The following ANKS1B variants were observed in gnomAD, a reference collection of about 807,000 sequenced individuals.
ANKS1B encodes the protein ankyrin repeat and sterile alpha motif domain-containing protein 1B.
ANKS1B carries 36 observed loss-of-function variants against 148.3 expected under a neutral mutation model. That is an observed-to-expected ratio of 0.24 (90% CI 0.19 to 0.32). ANKS1B has a LOEUF of 0.32. Among genes scored for constraint, ANKS1B ranks in the 10% least tolerant of loss-of-function variants. The pLI is 1.00. For synonymous variants in ANKS1B, 542 were observed against 560.8 expected, an observed-to-expected ratio of 0.97 and a Z score of 0.47; for missense variants, 1,157 against 1,542.6, an observed-to-expected ratio of 0.75 and a Z score of 4.19.
rs78523962 is a variant in ANKS1B at position 98,896,883 on chromosome 12, G to A, written c.2779-64747C>T. On this transcript the variant is annotated intron_variant, in intron 17 of 26. Transcript: ENST00000683438. The stretch of plus-strand genomic sequence containing the variant: ...TGGTTTCCCAATCATGAGAGTGACC[G>A]AAGAATGACATTTTCCAGGTCATCA... 9.6e-3 allele frequency among the ~76,000 whole-genome samples: 1,462 copies of A among 152,256 alleles called. 21 individuals carry two copies. Among genetic ancestry groups the A allele is most frequent in the African/African-American group, 0.03 (1,263 of 41,534 alleles).
At chr12:99,614,878 T>C (rs1461744344) in intron 9 of ANKS1B, among the ~76,000 whole-genome samples, 1 of 125,596 alleles carries the variant, frequency 8.0e-6, no homozygotes, top group Non-Finnish European at 1.7e-5. Flanking sequence ...TTCTCTTAAT[T>C]AATTCTTCCT....
rs10527065 is a variant in ANKS1B at position 99,267,561 on chromosome 12, A to ACATTCATT, written c.1757-20705_1757-20698dup. On this transcript the variant is annotated intron_variant, in intron 12 of 26. Coordinates refer to ENST00000683438, the MANE Select transcript of ANKS1B (RefSeq NM_001352186.2). Reference sequence around the variant, plus strand: ...AAGAAAATAAAGATTATTTGGCTGTACATTCATTCATTCATTCATTCATTT... The same window carrying ACATTCATT: ...AAGAAAATAAAGATTATTTGGCTGTACATTCATTCATTCATTCATTCATTCATTCATTT... Among the ~76,000 whole-genome samples, 223 of 151,620 alleles carry ACATTCATT rather than the reference A, an allele frequency of 1.5e-3. 2 individuals carry two copies. The highest frequency in any genetic ancestry group is 3.6e-3 in the African/African-American group (147 of 41,160).
chr12:98,847,536 TA>T (rs147751834), intron 17 of ANKS1B, among the ~76,000 whole-genome samples: 2,682 of 152,326 alleles, frequency 0.018, 47 homozygotes, highest in East Asian at 0.072. Flanking sequence ...TTCCTTGTCT[TA>T]GGACATTGTG....
chr12:99,761,939 T>C (rs2062164086), intron 8 of ANKS1B, among the ~76,000 whole-genome samples: 1 of 151,846 alleles, frequency 6.6e-6, no homozygotes, highest in Admixed American at 6.6e-5. Flanking sequence ...TGCAATCCCA[T>C]TTACAATAAA....
intron 12 of ANKS1B, among the ~76,000 whole-genome samples, chr12:99,255,799 T>C (rs1363585449): frequency 2.0e-5 from 3 of 152,304 alleles, no homozygotes; most frequent in Admixed American, 2.0e-4. Context: ...TTTAACTTAA[T>C]TGAATTATTT....
At chr12:98,889,379 C>A (rs926109257) in intron 17 of ANKS1B, among the ~76,000 whole-genome samples, 6 of 151,280 alleles carry the variant, frequency 4.0e-5, no homozygotes, top group Middle Eastern at 3.4e-3. Flanking sequence ...CAGTGTTTCA[C>A]TCCTGTTGCC....
intron 12 of ANKS1B, among the ~76,000 whole-genome samples, chr12:99,334,592 A>G (rs1835967716): frequency 6.6e-6 from 1 of 152,054 alleles, no homozygotes; most frequent in African/African-American, 2.4e-5. Flanking sequence ...ACCACCATAG[A>G]AATGCACATT....
intron 12 of ANKS1B, among the ~76,000 whole-genome samples, chr12:99,287,921 T>C (rs1257038519): frequency 6.6e-6 from 1 of 151,948 alleles, no homozygotes; most frequent in Non-Finnish European, 1.5e-5. Context: ...ATGTAGAAAA[T>C]AGCTTCAAAA....
intron 16 of ANKS1B, among the ~76,000 whole-genome samples, chr12:99,077,677 TAGAG>T (rs2048308754): frequency 6.6e-6 from 1 of 152,176 alleles, no homozygotes. Context: ...GTTAAGGACT[TAGAG>T]AGCACTAGCG....
chr12:99,825,439 T>G (rs2083062089), intron 1 of ANKS1B, 50 bp from the exon 2 acceptor site: 1 of 1,460,328 alleles, frequency 6.8e-7, no homozygotes, highest in Non-Finnish European at 9.4e-7. Flanking sequence ...AGATCTTGCC[T>G]TGAAAAACAA....
chr12:99,320,884 G>C (rs1277326701), intron 12 of ANKS1B, among the ~76,000 whole-genome samples: 2 of 152,098 alleles, frequency 1.3e-5, no homozygotes, highest in Non-Finnish European at 2.9e-5. Context: ...GTTTTGGTGT[G>C]GATGTCCTTT....
At chr12:99,858,018 AACAAAG>A (rs2089448275) in intron 1 of ANKS1B, among the ~76,000 whole-genome samples, 1 of 152,196 alleles carries the variant, frequency 6.6e-6, no homozygotes, top group Non-Finnish European at 1.5e-5. Context: ...AACACAACAA[AACAAAG>A]ACAAATAGAT....
chr12:99,061,504 A>C (rs1416572995), intron 16 of ANKS1B, among the ~76,000 whole-genome samples: 1 of 152,230 alleles, frequency 6.6e-6, no homozygotes, highest in Non-Finnish European at 1.5e-5. Context: ...TCAGCCCATG[A>C]ACCACACTTT....
intron 9 of ANKS1B, among the ~76,000 whole-genome samples, chr12:99,645,343 A>G (rs111652033): frequency 0.02 from 3,012 of 152,332 alleles, 115 homozygotes; most frequent in African/African-American, 0.069. Context: ...CAATTCCCAG[A>G]GCAGTTATAC....
chr12:98,892,864 A>G (rs2099755569), intron 17 of ANKS1B, among the ~76,000 whole-genome samples: 1 of 152,150 alleles, frequency 6.6e-6, no homozygotes, highest in South Asian at 2.1e-4. Flanking sequence ...TCTACACATG[A>G]ATCTATTGTC....
intron 2 of ANKS1B, among the ~76,000 whole-genome samples, chr12:99,816,994 C>T (rs2069269037): frequency 1.3e-5 from 2 of 151,580 alleles, no homozygotes; most frequent in African/African-American, 4.8e-5. Flanking sequence ...TTGGGGTATC[C>T]ATTACCTCAA....
Position 98,837,077 on chromosome 12 carries a change from A to G in ANKS1B, c.2779-4941T>C, listed in dbSNP as rs562687752. Among the ~76,000 whole-genome samples the G allele has an allele frequency of 1.1e-4, 17 of 152,216 alleles. No individual in the cohort carries two copies. The East Asian group carries it at 3.1e-3, about 28-fold the overall frequency. ...CCAGGCGCAGTGGCTCATGCCTGTA[A>G]TCCCAGCACTTTGGGAGGCTGAGAT... On this transcript the variant is annotated intron_variant, in intron 17 of 26. Coordinates refer to ENST00000683438, the MANE Select transcript of ANKS1B (RefSeq NM_001352186.2).
chr12:99,920,856 C>T (rs557676198), intron 1 of ANKS1B, among the ~76,000 whole-genome samples: 2 of 152,312 alleles, frequency 1.3e-5, no homozygotes, highest in African/African-American at 4.8e-5. Context: ...CACTCACCCA[C>T]ATGGGTGAGG....
chr12:99,928,334 A>C (rs1206644971), intron 1 of ANKS1B, among the ~76,000 whole-genome samples: 1 of 148,342 alleles, frequency 6.7e-6, no homozygotes, highest in Non-Finnish European at 1.5e-5. Context: ...TGCGGACTGC[A>C]GTGGCGCAAT....
Sources: gnomAD v4.1 joint callset for allele counts (sites outside exome capture counted in the v4.1 genomes callset) on GRCh38, gnomAD v4.1.1 for gene constraint, MANE v1.5 for transcripts, NCBI Gene and HGNC (gene_info 2026-07-23, HGNC 2026-07-21) for gene names.